Variants in FOXP1 observed in about 807,000 individuals in gnomAD.
FOXP1 encodes forkhead box P1.
Under a neutral mutation model 98.2 loss-of-function variants are expected in FOXP1, and 15 were observed. That is an observed-to-expected ratio of 0.15 (90% CI 0.10 to 0.24). FOXP1 has a LOEUF of 0.24. FOXP1 is among the 10% of genes least tolerant of loss of function. FOXP1 has a pLI of 1.00. For synonymous variants in FOXP1, 371 were observed against 314.5 expected (o/e 1.18, Z -1.90); for missense variants, 633 against 848.5 (o/e 0.75, Z 3.15).
chr3:71,058,040 A>G (rs1489870041), intron 7 of FOXP1, among the ~76,000 whole-genome samples: 1 of 152,198 alleles, frequency 6.6e-6, no homozygotes, highest in African/African-American at 2.4e-5. Context: ...TATTTCCTTT[A>G]ACGCCCAATG....
intron 3 of FOXP1, among the ~76,000 whole-genome samples, chr3:71,450,385 C>T (rs1299744853): frequency 6.6e-6 from 1 of 152,204 alleles, no homozygotes; most frequent in Non-Finnish European, 1.5e-5. Context: ...TTCTTCATAA[C>T]TTCACTGCAG....
chr3:71,305,679 G>C (rs73839475), intron 4 of FOXP1: 2 of 152,014 alleles, frequency 1.3e-5, no homozygotes, highest in African/African-American at 4.8e-5. Flanking sequence ...TAGTCCTCAC[G>C]AGCCTTTCTC....
chr3:71,248,336 G>A (rs900589547), intron 5 of FOXP1, among the ~76,000 whole-genome samples: 1 of 152,004 alleles, frequency 6.6e-6, no homozygotes, highest in Non-Finnish European at 1.5e-5. Context: ...TAATTAACCA[G>A]TTCATCAGCC....
At chr3:71,102,760 T>C (rs2057077383) in intron 7 of FOXP1, among the ~76,000 whole-genome samples, 1 of 152,190 alleles carries the variant, frequency 6.6e-6, no homozygotes, top group African/African-American at 2.4e-5. Flanking sequence ...TCCATTCCTT[T>C]TGCTTTCCCT....
chr3:71,025,157 C>CA (rs1173234215), intron 11 of FOXP1, among the ~76,000 whole-genome samples: 1 of 151,922 alleles, frequency 6.6e-6, no homozygotes, highest in African/African-American at 2.4e-5. Context: ...GCAGACAAGC[C>CA]AAAAATGGAG....
intron 3 of FOXP1, among the ~76,000 whole-genome samples, chr3:71,466,878 C>G (rs1475392274): frequency 6.6e-6 from 1 of 152,198 alleles, no homozygotes; most frequent in Non-Finnish European, 1.5e-5. Context: ...ATGATGACAT[C>G]TGTGTTTCTC....
chr3:71,440,537 G>A (rs991215959), intron 3 of FOXP1, among the ~76,000 whole-genome samples: 23 of 152,070 alleles, frequency 1.5e-4, no homozygotes, highest in Admixed American at 6.6e-4. Flanking sequence ...AGTTAGCTGG[G>A]CATGGTGGCA....
rs555799751 is a variant in FOXP1 at position 71,452,889 on chromosome 3, C to T, written c.-168+40537G>A. Reference sequence around the variant, plus strand: ...AGGAATTTGAAGACCACTCTTACTACTTACAAGAGTGCTTTCTGGCATCTG... The same window carrying T: ...AGGAATTTGAAGACCACTCTTACTATTTACAAGAGTGCTTTCTGGCATCTG... On this transcript the variant is annotated intron_variant, in intron 3 of 20. Transcript: ENST00000649528. 6.6e-5 allele frequency among the ~76,000 whole-genome samples: 10 copies of T among 152,298 alleles called. No homozygotes were observed. In the East Asian group the frequency reaches 1.3e-3, roughly 21 times the overall value.
In FOXP1 at chr3:70,967,817, G is replaced by T. The variant is rs543892424; in HGVS notation, c.1723-1761C>A. On this transcript the variant is annotated intron_variant, in intron 19 of 20. Coordinates refer to ENST00000649528, the MANE Select transcript of FOXP1 (RefSeq NM_001349338.3). Reference sequence around the variant, plus strand: ...CTCAGTCACAGAAATTCTGCTGAGTGTCTTTCCACTGGAAATACCATAAGA... The same window carrying T: ...CTCAGTCACAGAAATTCTGCTGAGTTTCTTTCCACTGGAAATACCATAAGA... Among the ~76,000 whole-genome samples the T allele has an allele frequency of 2.8e-5, 4 of 143,674 alleles. No homozygotes were observed. The South Asian group carries it at 9.1e-4, about 33-fold the overall frequency. The allele number at this position is 143,674 out of a possible 152,430, so 94.3% of individuals were successfully genotyped here. A position where few individuals can be genotyped will look rare whatever the true frequency, so the allele number is the denominator to read the frequency against.
chr3:71,502,079 C>T (rs2041424540), intron 2 of FOXP1, among the ~76,000 whole-genome samples: 1 of 152,182 alleles, frequency 6.6e-6, no homozygotes, highest in South Asian at 2.1e-4. Context: ...ACTTGGCACC[C>T]TATCTATAAC....
intron 3 of FOXP1, among the ~76,000 whole-genome samples, chr3:71,432,530 AT>A (rs2084813886): frequency 6.6e-6 from 1 of 152,010 alleles, no homozygotes; most frequent in African/African-American, 2.4e-5. Flanking sequence ...ATCTGCTCCT[AT>A]TCCACCAGGT....
At chr3:71,481,216 T>C (rs1436445732) in intron 3 of FOXP1, among the ~76,000 whole-genome samples, 2 of 152,248 alleles carry the variant, frequency 1.3e-5, no homozygotes, top group African/African-American at 4.8e-5. Flanking sequence ...TCTTTTCTAA[T>C]GCTTTATGTG....
At chr3:71,262,230 C>A (rs1315596224) in intron 5 of FOXP1, among the ~76,000 whole-genome samples, 1 of 123,258 alleles carries the variant, frequency 8.1e-6, no homozygotes, top group Non-Finnish European at 1.6e-5. Flanking sequence ...TGCGCCACTG[C>A]ACTCCAGCCT....
intron 2 of FOXP1, chr3:71,543,475 C>G (rs2045055842): frequency 6.6e-6 from 1 of 152,478 alleles, no homozygotes; most frequent in Non-Finnish European, 1.5e-5. Flanking sequence ...CTGTGTCCTC[C>G]AAGTGTCATC....
In FOXP1 at chr3:71,178,650, G is replaced by A. The variant is rs368118360; in HGVS notation, c.180+19552C>T. On this transcript the variant is annotated intron_variant, in intron 6 of 20. Transcript: ENST00000649528. ...TGTAATCCCAGCACTTTGGGAGGCC[G>A]AGGCAGGCGGATCACGAGGTCAGGA... is the stretch of plus-strand genomic sequence containing the variant. Among the ~76,000 whole-genome samples, 427 of 151,864 alleles carry A rather than the reference G, an allele frequency of 2.8e-3. 2 individuals are homozygous for A. The highest frequency in any genetic ancestry group is 9.5e-3 in the African/African-American group (393 of 41,452).
intron 13 of FOXP1, among the ~76,000 whole-genome samples, chr3:70,998,473 T>C (rs1037297760): frequency 6.6e-6 from 1 of 152,214 alleles, no homozygotes; most frequent in Admixed American, 6.5e-5. Context: ...ACGAGGTCTA[T>C]GTCATCACTC....
At chr3:71,085,184 C>T in intron 7 of FOXP1, among the ~76,000 whole-genome samples, 1 of 152,126 alleles carries the variant, frequency 6.6e-6, no homozygotes, top group East Asian at 1.9e-4. Context: ...ACTCTGTCCC[C>T]CAGGCTGGAG....
At chr3:71,393,318 T>G (rs975911307) in intron 3 of FOXP1, among the ~76,000 whole-genome samples, 1 of 146,090 alleles carries the variant, frequency 6.8e-6, no homozygotes, top group African/African-American at 2.7e-5. Flanking sequence ...TGATCCTCAG[T>G]TTTTTTTTGT....
rs145333868 is a variant in FOXP1, at chr3:71,521,910, C to T, written c.-297-28355G>A. On this transcript the variant is annotated intron_variant, in intron 2 of 20. Transcript: ENST00000649528. ...GACTTTTAAGCACATCACTGATGGC[C>T]CAAGAAACCTCGGCCTTGGCTCCAA... 4.6e-5 allele frequency among the ~76,000 whole-genome samples: 7 copies of T among 152,192 alleles called. No homozygotes were observed. The East Asian group carries it at 1.4e-3, about 29-fold the overall frequency.
Sources: gnomAD v4.1 joint callset for allele counts (sites outside exome capture counted in the v4.1 genomes callset) on GRCh38, gnomAD v4.1.1 for gene constraint, MANE v1.5 for transcripts, NCBI Gene and HGNC (gene_info 2026-07-23, HGNC 2026-07-21) for gene names.